Variants in ERICH3 observed in about 807,000 individuals in gnomAD.
The protein encoded by ERICH3 is glutamate rich 3.
A neutral mutation model predicts 131.1 loss-of-function variants in ERICH3; 126 were observed. The observed-to-expected ratio is 0.96, with a 90% confidence interval of 0.83 to 1.11. The LOEUF (loss-of-function observed/expected upper bound fraction) is 1.11. Ranked by LOEUF, ERICH3 falls within the 50% of genes most tolerant of loss-of-function variation. The pLI, the probability that ERICH3 is intolerant of heterozygous loss-of-function variation, is 0.00. For missense variants in ERICH3, 2,050 were observed against 1,810.7 expected (o/e 1.13, Z -2.40); for synonymous variants, 695 against 644.6 (o/e 1.08, Z -1.18).
intron 12 of ERICH3, chr1:74,577,966 G>A (rs2100534501): frequency 6.6e-6 from 1 of 152,246 alleles, no homozygotes; most frequent in Admixed American, 6.5e-5. Flanking sequence ...GGGGACAGAA[G>A]CAAAAAAGCT....
chr1:74,595,189 A>G (rs1557675070), intron 11 of ERICH3, among the ~76,000 whole-genome samples: 2 of 152,136 alleles, frequency 1.3e-5, no homozygotes, highest in Non-Finnish European at 2.9e-5. Flanking sequence ...GAAACTTACA[A>G]GTTCAAGAAA....
intron 1 of ERICH3, among the ~76,000 whole-genome samples, chr1:74,671,378 G>A (rs527883040): frequency 6.6e-6 from 1 of 152,208 alleles, no homozygotes; most frequent in South Asian, 2.1e-4. Flanking sequence ...TATGATCTTT[G>A]TACCTACTGT....
chr1:74,654,660 G>A (rs2100647631), intron 1 of ERICH3, among the ~76,000 whole-genome samples: 1 of 152,154 alleles, frequency 6.6e-6, no homozygotes, highest in East Asian at 1.9e-4. Context: ...CTCATGATCT[G>A]ATTACCTCCC....
intron 5 of ERICH3, 47 bp downstream of exon 5, chr1:74,641,284 A>C: frequency 6.3e-7 from 1 of 1,591,864 alleles, no homozygotes; most frequent in South Asian, 1.1e-5. Context: ...GAAATAATAA[A>C]TTAATTAGCT....
intron 1 of ERICH3, among the ~76,000 whole-genome samples, chr1:74,653,988 A>C (rs1003099822): frequency 1.3e-5 from 2 of 152,188 alleles, no homozygotes; most frequent in African/African-American, 2.4e-5. Flanking sequence ...GTATACGAAC[A>C]CAGTTCAGCC....
intron 7 of ERICH3, among the ~76,000 whole-genome samples, chr1:74,627,836 T>C (rs750602925): frequency 3.3e-5 from 5 of 152,154 alleles, no homozygotes; most frequent in African/African-American, 1.2e-4. Context: ...ATGTATGTTA[T>C]GAATGCATAA....
At position 74,569,333 on chromosome 1, in the gene ERICH3, T is replaced by C. The variant is rs1418751541; in HGVS notation, c.*1125A>G. On this transcript the variant is annotated 3_prime_UTR_variant, in exon 15 of 15. Transcript: ENST00000326665. ...GGAAAATCACTGCTTAAGGAAATTT[T>C]TTTTACCTTCTCATATAGAGAAATG... is the stretch of plus-strand genomic sequence containing the variant. The C allele has an allele frequency of 6.6e-6, 1 of 152,190 alleles. No homozygotes were observed. Among genetic ancestry groups the C allele is most frequent in the East Asian group, 1.9e-4 (1 of 5,200 alleles). 9.4% of individuals were successfully genotyped at this position (152,190 alleles called of 1,614,324 possible).
At chr1:74,619,000 AC>A (rs1277380734) in intron 8 of ERICH3, among the ~76,000 whole-genome samples, 5 of 152,174 alleles carry the variant, frequency 3.3e-5, no homozygotes, top group African/African-American at 1.2e-4. Flanking sequence ...CCACAAGTCA[AC>A]TCTGAGCCAC....
chr1:74,669,597 A>T (rs1233307819), intron 1 of ERICH3, among the ~76,000 whole-genome samples: 1 of 152,200 alleles, frequency 6.6e-6, no homozygotes, highest in Non-Finnish European at 1.5e-5. Flanking sequence ...ACTCTAAAAC[A>T]ATTTCATTCA....
chr1:74,588,817 G>A (rs867510065), intron 12 of ERICH3, among the ~76,000 whole-genome samples: 2 of 151,942 alleles, frequency 1.3e-5, no homozygotes, highest in Admixed American at 6.6e-5. Flanking sequence ...TAAGGTCTGG[G>A]GCCTGATTAT....
intron 1 of ERICH3, among the ~76,000 whole-genome samples, chr1:74,658,023 ATAGAG>A (rs913772362): frequency 6.6e-6 from 1 of 152,212 alleles, no homozygotes; most frequent in African/African-American, 2.4e-5. Context: ...TTTGTAGTGC[ATAGAG>A]TAAACACTCT....
At chr1:74,664,986 C>T (rs188526526) in intron 1 of ERICH3, among the ~76,000 whole-genome samples, 16 of 152,262 alleles carry the variant, frequency 1.1e-4, no homozygotes, top group African/African-American at 2.2e-4. Flanking sequence ...ATAGACTTAA[C>T]GTCTGTATCA....
At chr1:74,664,320 A>C (rs898196679) in intron 1 of ERICH3, among the ~76,000 whole-genome samples, 2 of 151,986 alleles carry the variant, frequency 1.3e-5, no homozygotes, top group East Asian at 3.9e-4. Context: ...TAAAAAAAAA[A>C]AAAACTTGTA....
chr1:74,605,002 G>C (rs935551858), intron 10 of ERICH3, among the ~76,000 whole-genome samples: 1 of 151,652 alleles, frequency 6.6e-6, no homozygotes, highest in African/African-American at 2.4e-5. Flanking sequence ...CCAATGTAAG[G>C]CTTTTTCATC....
At chr1:74,663,893 G>T (rs114555633) in intron 1 of ERICH3, among the ~76,000 whole-genome samples, 173 of 152,120 alleles carry the variant, frequency 1.1e-3, no homozygotes, top group African/African-American at 3.7e-3. Flanking sequence ...TATTCCTAAG[G>T]TCACTAAAGT....
At chr1:74,636,211 A>G in intron 6 of ERICH3, 69 bp downstream of exon 6, 1 of 1,263,892 alleles carries the variant, frequency 7.9e-7, no homozygotes, top group Non-Finnish European at 1.1e-6. Flanking sequence ...TAATACCTTG[A>G]CCACTGTAAT....
chr1:74,576,782 C>A, intron 13 of ERICH3, 113 bp downstream of exon 13: 1 of 929,188 alleles, frequency 1.1e-6, no homozygotes. Flanking sequence ...AAAAGTCATT[C>A]AATAAATACT....
rs78562493 is a variant in ERICH3, at chr1:74,603,753, C to T, written c.1489+2848G>A. Among the ~76,000 whole-genome samples the T allele has an allele frequency of 2.0e-3, 305 of 151,908 alleles. 3 individuals carry two copies. The highest frequency in any genetic ancestry group is 6.8e-3 in the African/African-American group (282 of 41,440). ...ATACAATAGCATTATATCTAAAAACCCAATGTATACACCTTAACTAAAATC... is the reference window on the plus strand; with the variant it reads ...ATACAATAGCATTATATCTAAAAACTCAATGTATACACCTTAACTAAAATC... On this transcript the variant is annotated intron_variant, in intron 10 of 14. Coordinates refer to ENST00000326665, the MANE Select transcript of ERICH3 (RefSeq NM_001002912.5).
chr1:74,669,770 A>C (rs1646724881), intron 1 of ERICH3, among the ~76,000 whole-genome samples: 1 of 152,354 alleles, frequency 6.6e-6, no homozygotes, highest in African/African-American at 2.4e-5. Flanking sequence ...TGCAATTTTT[A>C]CATCAAGTGC....
Sources: gnomAD v4.1 joint callset for allele counts (sites outside exome capture counted in the v4.1 genomes callset) on GRCh38, gnomAD v4.1.1 for gene constraint, MANE v1.5 for transcripts, NCBI Gene and HGNC (gene_info 2026-07-23, HGNC 2026-07-21) for gene names.